STAG1: variants seen among roughly 807,000 people sequenced by gnomAD.
The protein encoded by STAG1 is STAG1 cohesin complex component.
In STAG1, 26 loss-of-function variants were observed where a neutral mutation model predicts 170.9. The observed-to-expected ratio is 0.15, with a 90% CI of 0.11 to 0.21. The LOEUF (loss-of-function observed/expected upper bound fraction) is 0.21, where lower values mean the gene tolerates loss of function less well. STAG1 is among the 10% of genes least tolerant of loss of function. The pLI is 1.00. For missense variants in STAG1, 964 were observed against 1,509.5 expected (o/e 0.64, Z 5.99); for synonymous variants, 514 against 497.7 (o/e 1.03, Z -0.44).
intron 9 of STAG1, among the ~76,000 whole-genome samples, chr3:136,487,778 C>T (rs1245924487): frequency 6.6e-6 from 1 of 152,160 alleles, no homozygotes; most frequent in Non-Finnish European, 1.5e-5. Flanking sequence ...GGGTATACTA[C>T]GTAAAGTATC....
intron 4 of STAG1, among the ~76,000 whole-genome samples, chr3:136,579,235 A>G (rs1016226519): frequency 6.6e-6 from 1 of 152,252 alleles, no homozygotes; most frequent in African/African-American, 2.4e-5. Context: ...AACCACTCAA[A>G]GCAAGTTGTT....
chr3:136,510,073 A>G (rs917983263), intron 7 of STAG1, among the ~76,000 whole-genome samples: 3 of 152,206 alleles, frequency 2.0e-5, no homozygotes, highest in African/African-American at 7.2e-5. Context: ...GCAGTGTTGC[A>G]GTTCCACAAA....
At chr3:136,723,175 C>CCTCTGCCTGG (rs1419201330) in intron 1 of STAG1, among the ~76,000 whole-genome samples, 2 of 151,094 alleles carry the variant, frequency 1.3e-5, no homozygotes, top group Non-Finnish European at 3.0e-5. Flanking sequence ...GTGAGGAGCC[C>CCTCTGCCTGG]CTCTGCCTGG....
rs183283025 is a variant in STAG1, at chr3:136,571,329, G to A, written c.298-2468C>T. Among the ~76,000 whole-genome samples the A allele has an allele frequency of 4.1e-3, 626 of 152,270 alleles. 3 individuals are homozygous for A. Among genetic ancestry groups the A allele is most frequent in the Non-Finnish European group, 6.5e-3 (443 of 68,016 alleles). On this transcript the variant is annotated intron_variant, in intron 4 of 33. Coordinates refer to ENST00000383202, the MANE Select transcript of STAG1 (RefSeq NM_005862.3). ...CACACCTGAAATCTCAGCACTTTGG[G>A]AGACCAAGGTGGGCAGACGACTTGA... is the stretch of plus-strand genomic sequence containing the variant.
intron 1 of STAG1, among the ~76,000 whole-genome samples, chr3:136,633,608 G>A (rs1160899028): frequency 6.8e-6 from 1 of 147,766 alleles, no homozygotes; most frequent in Non-Finnish European, 1.5e-5. Context: ...GCTGGGACAG[G>A]ACAATCACTT....
intron 1 of STAG1, among the ~76,000 whole-genome samples, chr3:136,645,465 A>G (rs1041107779): frequency 2.6e-5 from 4 of 152,170 alleles, no homozygotes; most frequent in African/African-American, 4.8e-5. Flanking sequence ...TTTCACCTCC[A>G]TCACATCACT....
At chr3:136,664,157 G>C (rs1180662353) in intron 1 of STAG1, among the ~76,000 whole-genome samples, 2 of 152,244 alleles carry the variant, frequency 1.3e-5, no homozygotes, top group East Asian at 3.9e-4. Context: ...AGTTTGGTGG[G>C]TTACTAGTAA....
intron 6 of STAG1, among the ~76,000 whole-genome samples, chr3:136,527,617 G>A (rs567568826): frequency 1.1e-4 from 16 of 152,192 alleles, no homozygotes; most frequent in East Asian, 3.9e-4. Flanking sequence ...GCTTTGTTCC[G>A]TTACTGACGA....
At chr3:136,600,842 ATTT>A (rs1288540871) in intron 4 of STAG1, among the ~76,000 whole-genome samples, 2 of 146,264 alleles carry the variant, frequency 1.4e-5, no homozygotes, top group African/African-American at 2.6e-5. Flanking sequence ...TGTGCTCTTT[ATTT>A]TTTCTTGTTG....
intron 1 of STAG1, among the ~76,000 whole-genome samples, chr3:136,721,075 T>C (rs549534732): frequency 5.1e-4 from 78 of 152,308 alleles, no homozygotes; most frequent in Non-Finnish European, 3.4e-4. Flanking sequence ...TCCTTAGACA[T>C]TGGAAGTGTA....
chr3:136,639,427 G>A (rs1940709371), intron 1 of STAG1, among the ~76,000 whole-genome samples: 1 of 152,102 alleles, frequency 6.6e-6, no homozygotes, highest in Non-Finnish European at 1.5e-5. Context: ...CCTCTCTCCA[G>A]TTAAAAATTA....
At chr3:136,440,250 G>A (rs2088592397) in intron 15 of STAG1, among the ~76,000 whole-genome samples, 1 of 152,040 alleles carries the variant, frequency 6.6e-6, no homozygotes, top group African/African-American at 2.4e-5. Context: ...CCATTCTCCT[G>A]CCTCAGCCTC....
chr3:136,439,033 T>C (rs1234898042), intron 15 of STAG1, among the ~76,000 whole-genome samples: 3 of 150,956 alleles, frequency 2.0e-5, no homozygotes, highest in African/African-American at 7.3e-5. Context: ...CGATCTCTAC[T>C]AAAAATACAA....
At chr3:136,690,781 T>C (rs1942695263) in intron 1 of STAG1, among the ~76,000 whole-genome samples, 1 of 152,000 alleles carries the variant, frequency 6.6e-6, no homozygotes, top group Admixed American at 6.6e-5. Context: ...TGTTATGATG[T>C]AAATTTAGAA....
At chr3:136,564,907 G>T (rs1449354900) in intron 5 of STAG1, among the ~76,000 whole-genome samples, 2 of 148,106 alleles carry the variant, frequency 1.4e-5, no homozygotes, top group African/African-American at 5.0e-5. Context: ...GAAACATAGA[G>T]GTAAATCTTC....
intron 9 of STAG1, among the ~76,000 whole-genome samples, chr3:136,487,756 T>G (rs1222197280): frequency 6.6e-6 from 1 of 152,204 alleles, no homozygotes; most frequent in Admixed American, 6.5e-5. Context: ...TCATTCCCCT[T>G]TTCTTGAATG....
rs139208969 is a variant in STAG1 at position 136,679,684 on chromosome 3, G to A, written c.-83-48703C>T. On this transcript the variant is annotated intron_variant, in intron 1 of 33. Transcript: ENST00000383202. ...GCGGAGCTTGCAGTGAGCCGAGATA[G>A]TGCCACTGCAGTCTGGCCTGGGCGA... Among the ~76,000 whole-genome samples, 804 of 148,754 alleles carry A rather than the reference G, an allele frequency of 5.4e-3. 8 individuals are homozygous for A. Among genetic ancestry groups the A allele is most frequent in the African/African-American group, 0.018 (743 of 40,268 alleles).
intron 9 of STAG1, among the ~76,000 whole-genome samples, 198 bp from the exon 10 acceptor site, chr3:136,477,610 G>C (rs1158017730): frequency 2.0e-5 from 3 of 151,776 alleles, no homozygotes; most frequent in Admixed American, 6.6e-5. Flanking sequence ...GAAAAAAAAA[G>C]CTTCTATTAA....
At chr3:136,655,520 T>A (rs1008951981) in intron 1 of STAG1, among the ~76,000 whole-genome samples, 1 of 152,196 alleles carries the variant, frequency 6.6e-6, no homozygotes, top group African/African-American at 2.4e-5. Context: ...TCCCAGCACT[T>A]TGGAGGCCAA....
Sources: gnomAD v4.1 joint callset for allele counts (sites outside exome capture counted in the v4.1 genomes callset) on GRCh38, gnomAD v4.1.1 for gene constraint, MANE v1.5 for transcripts, NCBI Gene and HGNC (gene_info 2026-07-23, HGNC 2026-07-21) for gene names.